SORCS2: variants seen among roughly 807,000 people sequenced by gnomAD.
SORCS2 encodes the protein VPS10 domain-containing receptor SorCS2.
Under a neutral mutation model 141.6 loss-of-function variants are expected in SORCS2, and 100 were observed. The observed-to-expected ratio is 0.71, with a 90% CI of 0.60 to 0.83. SORCS2 has a LOEUF of 0.83. SORCS2 is among the 40% of genes least tolerant of loss of function. The probability of loss-of-function intolerance (pLI) is 0.00; values close to 1 mark genes in which losing one functional copy is unlikely to be tolerated. For synonymous variants in SORCS2, 789 were observed against 676.9 expected, an observed-to-expected ratio of 1.17 and a Z score of -2.57; for missense variants, 1,646 against 1,560.2, an observed-to-expected ratio of 1.05 and a Z score of -0.93.
At chr4:7,557,564 T>A (rs1421033669) in intron 3 of SORCS2, among the ~76,000 whole-genome samples, 2 of 152,248 alleles carry the variant, frequency 1.3e-5, no homozygotes, top group East Asian at 3.8e-4. Context: ...TTGGATTAAC[T>A]GCTCTGGACT....
At chr4:7,650,231 C>A (rs13134699) in intron 4 of SORCS2, among the ~76,000 whole-genome samples, 1 of 152,040 alleles carries the variant, frequency 6.6e-6, no homozygotes, top group African/African-American at 2.4e-5. Flanking sequence ...TCCGTCTGCA[C>A]GAGGTATTGT....
intron 19 of SORCS2, among the ~76,000 whole-genome samples, chr4:7,724,486 G>GGTGA: frequency 1.5e-5 from 1 of 65,350 alleles, no homozygotes; most frequent in Non-Finnish European, 3.0e-5. Flanking sequence ...GGTGGTGATG[G>GGTGA]TGGTGGTGGT....
chr4:7,280,876 A>G (rs1715831550), intron 1 of SORCS2, among the ~76,000 whole-genome samples: 1 of 152,244 alleles, frequency 6.6e-6, no homozygotes, highest in African/African-American at 2.4e-5. Context: ...GTACCCGGTG[A>G]GGGCTTAGGA....
intron 2 of SORCS2, among the ~76,000 whole-genome samples, chr4:7,422,492 T>A (rs970480777): frequency 1.3e-5 from 2 of 151,210 alleles, no homozygotes; most frequent in South Asian, 2.1e-4. Context: ...GGGGCTGGGG[T>A]CTACACTCAA....
At chr4:7,602,404 C>A (rs1013293718) in intron 3 of SORCS2, among the ~76,000 whole-genome samples, 7 of 149,828 alleles carry the variant, frequency 4.7e-5, no homozygotes, top group African/African-American at 1.5e-4. Context: ...TCAGACGGGG[C>A]GGCCGGGCAG....
At chr4:7,215,076 C>T (rs1159730036) in intron 1 of SORCS2, among the ~76,000 whole-genome samples, 8 of 152,160 alleles carry the variant, frequency 5.3e-5, no homozygotes, top group African/African-American at 1.9e-4. Context: ...GAGCCCCTTC[C>T]TGGGCTGGCC....
rs1184929212 is a variant in SORCS2 at position 7,193,608 on chromosome 4, C to T, written c.480+482C>T. 1.3e-5 allele frequency among the ~76,000 whole-genome samples: 2 copies of T among 152,200 alleles called. No individual in the cohort carries two copies. The highest frequency in any genetic ancestry group is 2.9e-5 in the Non-Finnish European group (2 of 68,036). On this transcript the variant is annotated intron_variant, in intron 1 of 26. Transcript: ENST00000507866. This position sits in a 1 kb window ranked among gnomAD's most constrained non-coding sequence, Gnocchi z 4.8. The stretch of plus-strand genomic sequence containing the variant: ...GCCTCCGCAGGCTCCGGGACTTCCC[C>T]GGTCAGCTCGAATCCTGTTCTGGGA...
chr4:7,703,274 C>G lies in SORCS2; in HGVS notation c.1669-6C>G. 6.2e-7 allele frequency: 1 copy of G among 1,609,658 alleles called. No individual in the cohort carries two copies. Among genetic ancestry groups the G allele is most frequent in the South Asian group, 1.1e-5 (1 of 89,908 alleles). On this transcript the variant is annotated splice_polypyrimidine_tract_variant and splice_region_variant and intron_variant, in intron 12 of 26. Coordinates refer to ENST00000507866, the MANE Select transcript of SORCS2 (RefSeq NM_020777.3). ...CTGCCCTCAGCCACACCACTCTCCT[C>G]TGCAGGTGTTTGAGGAAGAGCATCA...
chr4:7,726,681 G>A, intron 20 of SORCS2, 99 bp from the exon 21 acceptor site: 1 of 1,483,062 alleles, frequency 6.7e-7, no homozygotes, highest in Non-Finnish European at 9.1e-7. Flanking sequence ...GGAACAAGGG[G>A]ACAGCAATGC....
At chr4:7,625,285 C>T (rs184145603) in intron 3 of SORCS2, among the ~76,000 whole-genome samples, 124 of 152,206 alleles carry the variant, frequency 8.1e-4, no homozygotes, top group African/African-American at 2.5e-3. Flanking sequence ...ACGCCAGCTC[C>T]GAGTCAGACA....
At chr4:7,418,991 C>T (rs1013846787) in intron 2 of SORCS2, among the ~76,000 whole-genome samples, 3 of 152,172 alleles carry the variant, frequency 2.0e-5, no homozygotes, top group Admixed American at 1.3e-4. Context: ...CAAGAAAGAA[C>T]GGCAGCACAT....
intron 3 of SORCS2, among the ~76,000 whole-genome samples, chr4:7,589,216 C>A (rs573818774): frequency 6.6e-6 from 1 of 152,286 alleles, no homozygotes; most frequent in Admixed American, 6.5e-5. Flanking sequence ...ATCCTTGTGG[C>A]AACCCAGAGG....
intron 1 of SORCS2, among the ~76,000 whole-genome samples, chr4:7,387,514 CAG>C (rs1263510379): frequency 1.3e-5 from 2 of 150,296 alleles, no homozygotes; most frequent in African/African-American, 2.5e-5. Flanking sequence ...TACAGGTACA[CAG>C]AGATACATAT....
At chr4:7,518,433 C>A (rs900695783) in intron 2 of SORCS2, among the ~76,000 whole-genome samples, 1 of 152,186 alleles carries the variant, frequency 6.6e-6, no homozygotes, top group Admixed American at 6.5e-5. Context: ...GTCCTCTCCA[C>A]AGAAGGCAGC....
intron 3 of SORCS2, among the ~76,000 whole-genome samples, chr4:7,532,130 G>T (rs1458049230): frequency 6.6e-6 from 1 of 152,182 alleles, no homozygotes; most frequent in African/African-American, 2.4e-5. Context: ...ATAGGAGAGA[G>T]GGGTCTTTCC....
intron 12 of SORCS2, among the ~76,000 whole-genome samples, chr4:7,700,209 C>T (rs938307827): frequency 9.2e-5 from 14 of 152,234 alleles, no homozygotes; most frequent in Admixed American, 2.6e-4. Flanking sequence ...CTGGGCTGCC[C>T]GCTGACTCAA....
intron 1 of SORCS2, among the ~76,000 whole-genome samples, chr4:7,281,457 C>T (rs1715873479): frequency 6.6e-6 from 1 of 152,172 alleles, no homozygotes; most frequent in Non-Finnish European, 1.5e-5. Flanking sequence ...CTGCCTGCTG[C>T]GTCCCCTCCG....
At chr4:7,653,986 C>T in intron 4 of SORCS2, 148 bp from the exon 5 acceptor site, 2 of 746,196 alleles carry the variant, frequency 2.7e-6, no homozygotes, top group Admixed American at 2.5e-5. Flanking sequence ...GGTCTGCATC[C>T]CAGCATGAGC....
intron 1 of SORCS2, among the ~76,000 whole-genome samples, chr4:7,278,949 G>T (rs1418892550): frequency 6.6e-6 from 1 of 152,156 alleles, no homozygotes; most frequent in Non-Finnish European, 1.5e-5. Flanking sequence ...ACCCCACAGG[G>T]CTGGCCACAG....
Sources: allele counts gnomAD v4.1 joint callset (sites outside exome capture counted in the v4.1 genomes callset), GRCh38; gene constraint gnomAD v4.1.1; non-coding constraint Gnocchi (gnomAD v3.1); transcripts MANE v1.5; gene names NCBI Gene and HGNC (gene_info 2026-07-23, HGNC 2026-07-21).